ADAMTSL1: variants seen among roughly 807,000 people sequenced by gnomAD.
The protein encoded by ADAMTSL1 is ADAMTS like 1, also known as ADAMTS-like protein 1.
Under a neutral mutation model 201.8 loss-of-function variants are expected in ADAMTSL1, and 126 were observed. The observed-to-expected ratio is 0.62, with a 90% CI of 0.54 to 0.72. ADAMTSL1 has a LOEUF of 0.72. Among genes scored for constraint, ADAMTSL1 ranks in the 30% least tolerant of loss-of-function variants. The pLI, the probability that ADAMTSL1 is intolerant of heterozygous loss-of-function variation, is 0.00. For synonymous variants in ADAMTSL1, 1,121 were observed against 903.4 expected (o/e 1.24, Z -4.32); for missense variants, 2,679 against 2,277.8 (o/e 1.18, Z -3.59).
chr9:18,776,589 G>A (rs763381898), intron 18 of ADAMTSL1, among the ~76,000 whole-genome samples, 192 bp from the exon 19 acceptor site: 1 of 152,110 alleles, frequency 6.6e-6, no homozygotes. Flanking sequence ...GAAAAACACA[G>A]GCAGTAAAGG....
chr9:18,543,080 G>A (rs546857523), intron 3 of ADAMTSL1, among the ~76,000 whole-genome samples: 131 of 152,266 alleles, frequency 8.6e-4, no homozygotes, highest in African/African-American at 3.1e-3. Flanking sequence ...TCATGGCTTG[G>A]CTGTTCTTTG....
chr9:18,353,348 G>T (rs1293400885), intron 2 of ADAMTSL1, among the ~76,000 whole-genome samples: 1 of 152,070 alleles, frequency 6.6e-6, no homozygotes, highest in Non-Finnish European at 1.5e-5. Context: ...CCTTAAACCT[G>T]GACTCAAGTG....
At chr9:18,478,988 G>T (rs545635262) in intron 1 of ADAMTSL1, among the ~76,000 whole-genome samples, 2 of 152,126 alleles carry the variant, frequency 1.3e-5, no homozygotes, top group African/African-American at 4.8e-5. Context: ...GCTCATGAGC[G>T]GCTTAGGACT....
At chr9:18,467,415 G>T (rs939018236) in intron 2 of ADAMTSL1, among the ~76,000 whole-genome samples, 1 of 152,040 alleles carries the variant, frequency 6.6e-6, no homozygotes, top group African/African-American at 2.4e-5. Context: ...TCTTTGACAG[G>T]TTTAAAACTT....
chr9:18,165,214 C>A (rs542358979), intron 2 of ADAMTSL1, among the ~76,000 whole-genome samples: 2 of 151,780 alleles, frequency 1.3e-5, no homozygotes, highest in Non-Finnish European at 2.9e-5. Context: ...GTCCCATTTG[C>A]TGTTATGCGA....
intron 1 of ADAMTSL1, among the ~76,000 whole-genome samples, chr9:18,486,555 A>C (rs1214533676): frequency 6.6e-6 from 1 of 152,090 alleles, no homozygotes; most frequent in Non-Finnish European, 1.5e-5. Flanking sequence ...AAATGCAAAA[A>C]TTGGACAGGC....
At chr9:18,509,147 G>A (rs1277768580) in intron 2 of ADAMTSL1, among the ~76,000 whole-genome samples, 1 of 71,854 alleles carries the variant, frequency 1.4e-5, no homozygotes, top group Admixed American at 1.8e-4. Flanking sequence ...TTGCGCCACT[G>A]CAGTCCGCAG....
intron 1 of ADAMTSL1, among the ~76,000 whole-genome samples, chr9:18,037,015 T>C (rs1821229162): frequency 6.6e-6 from 1 of 152,152 alleles, no homozygotes; most frequent in African/African-American, 2.4e-5. Context: ...CCCCTCCCTT[T>C]TGGGGCTTCC....
chr9:18,214,864 A>T (rs1001258681), intron 2 of ADAMTSL1, among the ~76,000 whole-genome samples: 1 of 152,188 alleles, frequency 6.6e-6, no homozygotes, highest in African/African-American at 2.4e-5. Flanking sequence ...AATGGGAAAG[A>T]TTTACATGTA....
At chr9:18,880,227 G>A (rs1579562) in intron 23 of ADAMTSL1, among the ~76,000 whole-genome samples, 10,177 of 152,110 alleles carry the variant, frequency 0.067, 461 homozygotes, top group East Asian at 0.21. Context: ...TGTTCATGTT[G>A]GTATTTTGAC....
chr9:18,338,773 C>T (rs1256067942), intron 2 of ADAMTSL1, among the ~76,000 whole-genome samples: 1 of 152,122 alleles, frequency 6.6e-6, no homozygotes, highest in Non-Finnish European at 1.5e-5. Flanking sequence ...CCTCCCTCCT[C>T]CCACCCTCCA....
intron 2 of ADAMTSL1, among the ~76,000 whole-genome samples, chr9:18,302,482 A>T (rs545138644): frequency 6.6e-6 from 1 of 152,094 alleles, no homozygotes; most frequent in African/African-American, 2.4e-5. Flanking sequence ...TATGGGCAAT[A>T]TTTCTCCTTC....
chr9:18,561,520 C>G lies in ADAMTSL1; in HGVS notation c.238-12510C>G, dbSNP rs112873708. On this transcript the variant is annotated intron_variant, in intron 3 of 28. Coordinates refer to ENST00000380548, the MANE Select transcript of ADAMTSL1 (RefSeq NM_001040272.6). ...GTATATACTGTTGATTTGGGGTGGACGGTTCTATAGATGTCTATTAGGTCC... is the reference window on the plus strand; with the variant it reads ...GTATATACTGTTGATTTGGGGTGGAGGGTTCTATAGATGTCTATTAGGTCC... 3.9e-3 allele frequency among the ~76,000 whole-genome samples: 586 copies of G among 152,100 alleles called. 5 individuals are homozygous for G. Among genetic ancestry groups the G allele is most frequent in the African/African-American group, 0.013 (539 of 41,498 alleles).
chr9:18,810,621 T>C (rs1311590873), intron 20 of ADAMTSL1, among the ~76,000 whole-genome samples: 1 of 152,188 alleles, frequency 6.6e-6, no homozygotes, highest in Non-Finnish European at 1.5e-5. Context: ...AAGGTTAAGC[T>C]TGGGTTATAT....
chr9:18,195,919 AATT>A (rs1398631513), intron 2 of ADAMTSL1, among the ~76,000 whole-genome samples: 1 of 152,098 alleles, frequency 6.6e-6, no homozygotes, highest in Non-Finnish European at 1.5e-5. Flanking sequence ...TTTTTTTGGA[AATT>A]ATTTTAGCTG....
At chr9:18,186,583 C>G (rs561540552) in intron 2 of ADAMTSL1, among the ~76,000 whole-genome samples, 70 of 152,128 alleles carry the variant, frequency 4.6e-4, no homozygotes, top group African/African-American at 1.6e-3. Context: ...TTTGACAGAA[C>G]TGCTTAAAAA....
At chr9:18,791,063 A>C (rs1008204645) in intron 19 of ADAMTSL1, among the ~76,000 whole-genome samples, 1 of 152,204 alleles carries the variant, frequency 6.6e-6, no homozygotes, top group East Asian at 1.9e-4. Flanking sequence ...ACTAAATATA[A>C]ACTGACAGAA....
At chr9:17,950,698 A>G (rs2772693) in intron 1 of ADAMTSL1, among the ~76,000 whole-genome samples, 117,780 of 151,892 alleles carry the variant, frequency 0.78, 46,110 homozygotes, top group East Asian at 0.94. Context: ...GCATTTCTCT[A>G]CTGATAAACA....
intron 2 of ADAMTSL1, among the ~76,000 whole-genome samples, chr9:18,433,815 G>A (rs978280050): frequency 6.6e-6 from 1 of 152,128 alleles, no homozygotes; most frequent in African/African-American, 2.4e-5. Flanking sequence ...TCATAAAATT[G>A]TAACAGATCT....
Sources: gnomAD v4.1 joint callset for allele counts (sites outside exome capture counted in the v4.1 genomes callset) on GRCh38, gnomAD v4.1.1 for gene constraint, MANE v1.5 for transcripts, NCBI Gene and HGNC (gene_info 2026-07-23, HGNC 2026-07-21) for gene names.